Variants in UTRN observed in about 807,000 individuals in gnomAD.
UTRN encodes the protein utrophin.
UTRN carries 283 observed loss-of-function variants against 463.9 expected under a neutral mutation model. The observed-to-expected ratio is 0.61, with a 90% CI of 0.55 to 0.67. The LOEUF (loss-of-function observed/expected upper bound fraction) is 0.67, where lower values mean the gene tolerates loss of function less well. UTRN is among the 30% of genes least tolerant of loss of function. The pLI is 0.00. For missense variants in UTRN, 3,922 were observed against 4,084.3 expected (o/e 0.96, Z 1.08); for synonymous variants, 1,442 against 1,431.5 (o/e 1.01, Z -0.17).
chr6:144,625,777 CT>C (rs1472990078), intron 51 of UTRN, among the ~76,000 whole-genome samples: 2 of 152,172 alleles, frequency 1.3e-5, no homozygotes, highest in African/African-American at 4.8e-5. Context: ...CACAGCCTTA[CT>C]AAGATTGTTT....
At chr6:144,321,704 T>A (rs1775662850) in intron 2 of UTRN, among the ~76,000 whole-genome samples, 1 of 151,728 alleles carries the variant, frequency 6.6e-6, no homozygotes, top group Admixed American at 6.6e-5. Flanking sequence ...ACTCCTGGCT[T>A]CGTGATCTGC....
intron 2 of UTRN, among the ~76,000 whole-genome samples, chr6:144,376,183 C>T (rs1275150199): frequency 3.3e-5 from 5 of 151,990 alleles, no homozygotes; most frequent in South Asian, 2.1e-4. Flanking sequence ...TGGGTCGGGC[C>T]GGGTGGCTCA....
chr6:144,345,908 T>C (rs1777524711), intron 2 of UTRN, among the ~76,000 whole-genome samples: 1 of 152,134 alleles, frequency 6.6e-6, no homozygotes, highest in South Asian at 2.1e-4. Flanking sequence ...CCGGGGGCGG[T>C]GGCTCACGCC....
intron 53 of UTRN, among the ~76,000 whole-genome samples, chr6:144,724,665 T>C (rs77320100): frequency 0.023 from 3,446 of 151,508 alleles, 153 homozygotes; most frequent in African/African-American, 0.079. Context: ...GTTTGGGACA[T>C]TGCATGGTAA....
At chr6:144,818,513 G>A (rs182714004) in intron 65 of UTRN, among the ~76,000 whole-genome samples, 1 of 152,202 alleles carries the variant, frequency 6.6e-6, no homozygotes, top group African/African-American at 2.4e-5. Context: ...GAAAACCACT[G>A]GCCTAAGAGA....
At chr6:144,496,961 G>C (rs1793706872) in intron 33 of UTRN, among the ~76,000 whole-genome samples, 1 of 152,206 alleles carries the variant, frequency 6.6e-6, no homozygotes, top group Non-Finnish European at 1.5e-5. Flanking sequence ...CTAGAGCAGA[G>C]AGAGCCAGTG....
At chr6:144,470,957 T>G (rs952025932) in intron 23 of UTRN, among the ~76,000 whole-genome samples, 4 of 150,448 alleles carry the variant, frequency 2.7e-5, no homozygotes, top group African/African-American at 7.4e-5. Flanking sequence ...GGAGGTTGCA[T>G]TGAGCCGAGA....
intron 53 of UTRN, among the ~76,000 whole-genome samples, chr6:144,701,208 G>A (rs1784559263): frequency 6.6e-6 from 1 of 151,800 alleles, no homozygotes; most frequent in African/African-American, 2.4e-5. Context: ...TACCCGACCT[G>A]AGAAAATTTT....
At position 144,771,895 on chromosome 6, in the gene UTRN, T is replaced by A; in HGVS notation, c.8496-12T>A. 1 of 1,562,096 alleles carries A rather than the reference T, an allele frequency of 6.4e-7. No individual in the cohort carries two copies. The highest frequency in any genetic ancestry group is 8.6e-7 in the Non-Finnish European group (1 of 1,158,286). ...TTTTGTTTATTTTTAAAATTTTACC[T>A]TTTTTTTCCAGCCATCAAACACAGA... On this transcript the variant is annotated splice_polypyrimidine_tract_variant and intron_variant, in intron 58 of 74. Coordinates refer to ENST00000367545, the MANE Select transcript of UTRN (RefSeq NM_007124.3).
At chr6:144,469,856 G>A (rs1279839564) in intron 23 of UTRN, among the ~76,000 whole-genome samples, 1 of 151,854 alleles carries the variant, frequency 6.6e-6, no homozygotes, top group Non-Finnish European at 1.5e-5. Context: ...GCCGCCTTCC[G>A]CAGTGTTTGT....
intron 3 of UTRN, among the ~76,000 whole-genome samples, chr6:144,410,224 A>C (rs1283926077): frequency 6.6e-6 from 1 of 152,128 alleles, no homozygotes; most frequent in African/African-American, 2.4e-5. Flanking sequence ...CCTTTACACT[A>C]TCATAATCAG....
intron 14 of UTRN, among the ~76,000 whole-genome samples, chr6:144,444,680 G>A (rs1451410589): frequency 6.6e-6 from 1 of 152,086 alleles, no homozygotes; most frequent in Non-Finnish European, 1.5e-5. Context: ...ATTTGTGTTG[G>A]GTGATGTATT....
intron 51 of UTRN, among the ~76,000 whole-genome samples, chr6:144,619,647 G>T (rs2128646571): frequency 6.6e-6 from 1 of 152,172 alleles, no homozygotes; most frequent in South Asian, 2.1e-4. Context: ...AATTTGGTTG[G>T]GTTTGTCAAA....
At chr6:144,828,954 C>A in intron 69 of UTRN, 99 bp downstream of exon 69, 1 of 1,371,732 alleles carries the variant, frequency 7.3e-7, no homozygotes, top group Non-Finnish European at 1.0e-6. Flanking sequence ...ATCTTGATCC[C>A]AATCAAAATT....
At chr6:144,461,093 G>A in intron 21 of UTRN, 104 bp from the exon 22 acceptor site, 1 of 907,038 alleles carries the variant, frequency 1.1e-6, no homozygotes, top group Non-Finnish European at 1.5e-6. Flanking sequence ...TTTAATCATG[G>A]GGTCTCCTTT....
chr6:144,468,591 A>AGT (rs113136064), intron 23 of UTRN, among the ~76,000 whole-genome samples: 12,852 of 150,324 alleles, frequency 0.085, 1,399 homozygotes, highest in African/African-American at 0.26. Flanking sequence ...CCCTTAAAGA[A>AGT]ATGTGTGTGT....
chr6:144,749,434 C>T (rs1421580120), intron 55 of UTRN, among the ~76,000 whole-genome samples: 2 of 152,162 alleles, frequency 1.3e-5, no homozygotes, highest in Non-Finnish European at 2.9e-5. Context: ...AGGAGTCACA[C>T]CTGCCAACAG....
At chr6:144,447,881 G>GT in intron 16 of UTRN, 100 bp downstream of exon 16, 1 of 1,253,550 alleles carries the variant, frequency 8.0e-7, no homozygotes, top group Non-Finnish European at 1.1e-6. Context: ...CTAAAAAGTT[G>GT]TTTCCTTACA....
chr6:144,795,387 A>G (rs961273088), intron 63 of UTRN, among the ~76,000 whole-genome samples: 1 of 152,190 alleles, frequency 6.6e-6, no homozygotes, highest in Non-Finnish European at 1.5e-5. Context: ...GTATATACCT[A>G]GTAATGGGAT....
Sources: allele counts gnomAD v4.1 joint callset (sites outside exome capture counted in the v4.1 genomes callset), GRCh38; gene constraint gnomAD v4.1.1; transcripts MANE v1.5; gene names NCBI Gene and HGNC (gene_info 2026-07-23, HGNC 2026-07-21).